Variants in ANKRD36C observed in about 807,000 individuals in gnomAD.
The protein encoded by ANKRD36C is ankyrin repeat domain-containing protein 36C.
A neutral mutation model predicts 276.4 loss-of-function variants in ANKRD36C; 61 were observed. The ratio of observed to expected loss-of-function variants is 0.22; its 90% CI spans 0.18 to 0.27. The LOEUF is 0.27. ANKRD36C is among the 10% of genes least tolerant of loss of function. The probability of loss-of-function intolerance (pLI) is 1.00; values close to 1 mark genes in which losing one functional copy is unlikely to be tolerated. For synonymous variants in ANKRD36C, 483 were observed against 680.1 expected (o/e 0.71, Z 4.51); for missense variants, 1,447 against 2,032.3 (o/e 0.71, Z 5.54).
chr2:95,878,649 G>A (rs1278336435), intron 58 of ANKRD36C, among the ~76,000 whole-genome samples: 1 of 152,154 alleles, frequency 6.6e-6, no homozygotes, highest in African/African-American at 2.4e-5. Flanking sequence ...AGAAATAGTA[G>A]CAAAATGATA....
intron 42 of ANKRD36C, among the ~76,000 whole-genome samples, chr2:95,910,918 G>A (rs1330121426): frequency 6.6e-6 from 1 of 150,522 alleles, no homozygotes; most frequent in Non-Finnish European, 1.5e-5. Flanking sequence ...GTCAAAGCAG[G>A]TGCCACATGA....
At chr2:95,970,780 G>A (rs952771807) in intron 6 of ANKRD36C, among the ~76,000 whole-genome samples, 1 of 152,122 alleles carries the variant, frequency 6.6e-6, no homozygotes, top group African/African-American at 2.4e-5. Context: ...CAACTGCAAG[G>A]TAAATAGGAA....
chr2:95,924,009 C>G (rs1677343724), intron 30 of ANKRD36C, among the ~76,000 whole-genome samples: 1 of 151,662 alleles, frequency 6.6e-6, no homozygotes, highest in African/African-American at 2.4e-5. Context: ...AACTCATACA[C>G]CTGAGAATCA....
intron 26 of ANKRD36C, among the ~76,000 whole-genome samples, chr2:95,928,367 T>C (rs1677467889): frequency 1.3e-5 from 2 of 151,588 alleles, no homozygotes; most frequent in African/African-American, 4.8e-5. Context: ...TTTTTATAAG[T>C]AAAGTCCAGA....
chr2:95,957,072 T>A lies in ANKRD36C; in HGVS notation c.1106-256A>T, dbSNP rs1393180947. On this transcript the variant is annotated intron_variant, in intron 12 of 66. Transcript: ENST00000456556. ...GGGTCACGCCTGTAATCCCAGCACT[T>A]TGTGAGGCTGAGGTGAGTGGATAAC... 5.3e-5 allele frequency among the ~76,000 whole-genome samples: 8 copies of A among 151,874 alleles called. No individual in the cohort carries two copies. The East Asian group carries it at 1.5e-3, about 29-fold the overall frequency.
rs1678337946 is a variant in ANKRD36C, at chr2:95,956,779, A to C, written c.1136+7T>G. On this transcript the variant is annotated splice_region_variant and intron_variant, in intron 13 of 66. Coordinates refer to ENST00000456556, the Ensembl canonical transcript of ANKRD36C. ...CATATCACTTTAAAAAATCTGTGAA[A>C]TCATACCTGTTTAAACACTGTTCAA... 4.6e-6 allele frequency: 7 copies of C among 1,533,356 alleles called. No homozygotes were observed. The highest frequency in any genetic ancestry group is 2.0e-5 in the Admixed American group (1 of 50,758). The allele number at this position is 1,533,356 out of a possible 1,614,324, so 95.0% of individuals were successfully genotyped here.
intron 49 of ANKRD36C, 47 bp from the exon 70 acceptor site, chr2:95,888,044 A>G (rs1676244766): frequency 6.2e-7 from 1 of 1,608,716 alleles, no homozygotes; most frequent in African/African-American, 1.3e-5. Context: ...ACTATGTTTC[A>G]TAGACCACAC....
intron 22 of ANKRD36C, among the ~76,000 whole-genome samples, chr2:95,938,401 T>C (rs1291573942): frequency 6.6e-6 from 1 of 152,262 alleles, no homozygotes; most frequent in Non-Finnish European, 1.5e-5. Flanking sequence ...TCAGAAGATG[T>C]GATTAAGATT....
At chr2:95,910,718 T>C (rs1483240704) in intron 42 of ANKRD36C, 150 bp from the exon 45 acceptor site, 12 of 1,426,080 alleles carry the variant, frequency 8.4e-6, no homozygotes, top group Non-Finnish European at 1.1e-5. Context: ...GACTAGAACA[T>C]GACAGAAGTA....
At position 95,897,333 on chromosome 2, in the gene ANKRD36C, C is replaced by T. The variant is rs187095462; in HGVS notation, c.2755+1812G>A. ...ATATTCAAAAGAGAATCTTTCTCATCTCTTGTAGCCTGAATGGAATTTGAA... is the reference window on the plus strand; with the variant it reads ...ATATTCAAAAGAGAATCTTTCTCATTTCTTGTAGCCTGAATGGAATTTGAA... On this transcript the variant is annotated intron_variant, in intron 44 of 66. Transcript: ENST00000456556. The T allele has an allele frequency of 7.1e-5, 110 of 1,550,506 alleles. 3 individuals carry two copies. In the Admixed American group the frequency reaches 2.0e-3, roughly 28 times the overall value.
chr2:95,952,177 A>C (rs1298897691), intron 14 of ANKRD36C, among the ~76,000 whole-genome samples: 31 of 150,184 alleles, frequency 2.1e-4, no homozygotes, highest in South Asian at 6.6e-4. Context: ...AACAAACAAA[A>C]AAAGAGACAT....
chr2:95,891,795 A>G, intron 45 of ANKRD36C, 37 bp downstream of exon 65: 1 of 1,559,534 alleles, frequency 6.4e-7, no homozygotes, highest in Non-Finnish European at 8.7e-7. Context: ...TAGACTATAC[A>G]TTTACTAGTT....
At chr2:95,875,416 A>T (rs1675920304) in intron 59 of ANKRD36C, among the ~76,000 whole-genome samples, 1 of 151,346 alleles carries the variant, frequency 6.6e-6, no homozygotes, top group African/African-American at 2.4e-5. Flanking sequence ...CATTCTCAGT[A>T]AACTATCGCA....
At chr2:95,983,027 A>G (rs1427155503) in intron 3 of ANKRD36C, among the ~76,000 whole-genome samples, 1 of 151,708 alleles carries the variant, frequency 6.6e-6, no homozygotes, top group Admixed American at 6.6e-5. Context: ...CAGTTGTGAG[A>G]GCTTACCAGT....
At chr2:95,986,524 G>T (rs1478869746) in intron 3 of ANKRD36C, 4 of 526,298 alleles carry the variant, frequency 7.6e-6, no homozygotes, top group Non-Finnish European at 1.3e-5. Flanking sequence ...TGTAATTCAT[G>T]TTTGTATAAT....
chr2:95,871,805 T>C (rs1456273020), intron 59 of ANKRD36C, among the ~76,000 whole-genome samples: 4 of 150,708 alleles, frequency 2.7e-5, no homozygotes, highest in Non-Finnish European at 5.9e-5. Flanking sequence ...AGGCTCAAAA[T>C]AAAAGGATGG....
intron 36 of ANKRD36C, 63 bp from the exon 39 acceptor site, chr2:95,916,234 C>T: frequency 1.3e-6 from 2 of 1,594,306 alleles, no homozygotes; most frequent in South Asian, 1.1e-5. Flanking sequence ...TCCATACATT[C>T]ACACAGTGTT....
intron 36 of ANKRD36C, 80 bp from the exon 39 acceptor site, chr2:95,916,251 A>C: frequency 6.3e-7 from 1 of 1,582,362 alleles, no homozygotes; most frequent in Non-Finnish European, 8.6e-7. Flanking sequence ...TGTTAGCATC[A>C]ACCTCTGAAC....
At chr2:95,912,287 C>G (rs573740459) in exon 42 of ANKRD36C, 1 of 1,565,924 alleles carries the variant, frequency 6.4e-7, no homozygotes, top group Admixed American at 1.9e-5. Context: ...TGGTTATATT[C>G]GAAAAAGAAT....
Sources: gnomAD v4.1 joint callset for allele counts (sites outside exome capture counted in the v4.1 genomes callset) on GRCh38, gnomAD v4.1.1 for gene constraint, MANE v1.5 for transcripts, NCBI Gene and HGNC (gene_info 2026-07-23, HGNC 2026-07-21) for gene names.